Variants in ENTREP2 observed in about 807,000 individuals in gnomAD.
The protein encoded by ENTREP2 is endosomal transmembrane epsin interactor 2.
At chr15:29,288,560 A>G in the ENTREP2 span, among the ~76,000 whole-genome samples, 1 of 152,126 alleles carries the variant, frequency 6.6e-6, no homozygotes, top group Admixed American at 6.5e-5. Flanking sequence ...CAATATTTCT[A>G]CTGTACCTTT....
chr15:29,510,192 C>T, the ENTREP2 span, among the ~76,000 whole-genome samples: 10 of 152,102 alleles, frequency 6.6e-5, no homozygotes, highest in African/African-American at 2.2e-4. Flanking sequence ...ATAAGAACCA[C>T]GATGAGATGC....
chr15:29,192,032 G>A, the ENTREP2 span, among the ~76,000 whole-genome samples: 2 of 152,170 alleles, frequency 1.3e-5, no homozygotes, highest in Non-Finnish European at 2.9e-5. Flanking sequence ...GCCAATTACT[G>A]TGCCAGTGGG....
At chr15:29,489,273 G>C in the ENTREP2 span, among the ~76,000 whole-genome samples, 1 of 152,280 alleles carries the variant, frequency 6.6e-6, no homozygotes, top group South Asian at 2.1e-4. Flanking sequence ...AATATGGAGC[G>C]AGGGTACTGA....
the ENTREP2 span, among the ~76,000 whole-genome samples, chr15:29,621,051 A>C: frequency 6.6e-6 from 1 of 151,988 alleles, no homozygotes; most frequent in African/African-American, 2.4e-5. Context: ...CACCACCATT[A>C]CTGCATTTGA....
the ENTREP2 span, among the ~76,000 whole-genome samples, chr15:29,530,915 G>C: frequency 1.3e-5 from 2 of 152,084 alleles, no homozygotes; most frequent in African/African-American, 2.4e-5. Context: ...CCTTTCCTTT[G>C]AGCCCTGTCC....
the ENTREP2 span, among the ~76,000 whole-genome samples, chr15:29,649,230 C>G: frequency 6.6e-6 from 1 of 151,898 alleles, no homozygotes. Flanking sequence ...AAGAGGCATA[C>G]AATTAAAAGT....
chr15:29,475,404 C>T, the ENTREP2 span, among the ~76,000 whole-genome samples: 3 of 152,164 alleles, frequency 2.0e-5, no homozygotes, highest in East Asian at 1.9e-4. Flanking sequence ...GTGCTCCATC[C>T]GGCTCCCTTA....
At chr15:29,281,777 G>A in the ENTREP2 span, among the ~76,000 whole-genome samples, 4 of 152,330 alleles carry the variant, frequency 2.6e-5, no homozygotes, top group South Asian at 8.3e-4. Flanking sequence ...GCTGACATCT[G>A]TAGACTAGGG....
At chr15:29,163,229 C>T in the ENTREP2 span, among the ~76,000 whole-genome samples, 9 of 152,112 alleles carry the variant, frequency 5.9e-5, no homozygotes, top group African/African-American at 2.2e-4. Context: ...AAAACCAATG[C>T]TGGTAATATG....
the ENTREP2 span, among the ~76,000 whole-genome samples, chr15:29,665,276 A>G: frequency 6.6e-6 from 1 of 152,196 alleles, no homozygotes; most frequent in Admixed American, 6.5e-5. Context: ...TAAAAAAAAA[A>G]TTCACCATAG....
the ENTREP2 span, among the ~76,000 whole-genome samples, chr15:29,164,024 A>G: frequency 9.1e-3 from 1,393 of 152,328 alleles, 19 homozygotes; most frequent in African/African-American, 0.031. Context: ...GCCTCCTCAA[A>G]CAAAACGATT....
At chr15:29,460,246 T>C in the ENTREP2 span, among the ~76,000 whole-genome samples, 1 of 152,114 alleles carries the variant, frequency 6.6e-6, no homozygotes, top group Non-Finnish European at 1.5e-5. Flanking sequence ...AGCAAGACTC[T>C]ATCTCTTAAC....
the ENTREP2 span, among the ~76,000 whole-genome samples, chr15:29,494,380 T>C: frequency 6.6e-6 from 1 of 152,206 alleles, no homozygotes; most frequent in Non-Finnish European, 1.5e-5. Flanking sequence ...TCCAGCTTTA[T>C]TGTGGTATAA....
At chr15:29,387,886 A>AT in the ENTREP2 span, among the ~76,000 whole-genome samples, 3 of 152,194 alleles carry the variant, frequency 2.0e-5, no homozygotes, top group Non-Finnish European at 2.9e-5. Context: ...TCCCTATTTA[A>AT]AAATGGTGCT....
the ENTREP2 span, among the ~76,000 whole-genome samples, chr15:29,653,804 T>G: frequency 6.6e-6 from 1 of 152,242 alleles, no homozygotes; most frequent in Non-Finnish European, 1.5e-5. Flanking sequence ...ATGTTTTTTA[T>G]TCTTGTCCTT....
chr15:29,147,343 T>C, the ENTREP2 span, among the ~76,000 whole-genome samples: 1 of 152,122 alleles, frequency 6.6e-6, no homozygotes, highest in South Asian at 2.1e-4. Flanking sequence ...CACAATGAAA[T>C]ACCACTTCAC....
chr15:29,634,830 T>C, the ENTREP2 span, among the ~76,000 whole-genome samples: 1 of 152,130 alleles, frequency 6.6e-6, no homozygotes, highest in African/African-American at 2.4e-5. Context: ...TAGTGGCTGA[T>C]CACAAAGGAC....
chr15:29,145,241 A>T, the ENTREP2 span, among the ~76,000 whole-genome samples: 1 of 152,232 alleles, frequency 6.6e-6, no homozygotes, highest in African/African-American at 2.4e-5. Flanking sequence ...AATTCAACAT[A>T]TTAATAGAAC....
chr15:29,201,658 T>G, the ENTREP2 span, among the ~76,000 whole-genome samples: 1 of 152,206 alleles, frequency 6.6e-6, no homozygotes, highest in Non-Finnish European at 1.5e-5. Flanking sequence ...CTTTCAGATA[T>G]GTTGAATTTT....
Sources: allele counts gnomAD v4.1 joint callset (sites outside exome capture counted in the v4.1 genomes callset), GRCh38; gene constraint gnomAD v4.1.1; transcripts MANE v1.5; gene names NCBI Gene and HGNC (gene_info 2026-07-23, HGNC 2026-07-21).